The following GRXCR1 variants were observed in gnomAD, a reference collection of about 807,000 sequenced individuals.
GRXCR1 encodes glutaredoxin and cysteine rich domain containing 1.
A neutral mutation model predicts 27.3 loss-of-function variants in GRXCR1; 27 were observed. The ratio of observed to expected loss-of-function variants is 0.99; its 90% confidence interval spans 0.73 to 1.37. The LOEUF is 1.37. Among genes scored for constraint, GRXCR1 ranks in the 40% most tolerant of loss-of-function variants. GRXCR1 has a pLI of 0.00. For missense variants in GRXCR1, 379 were observed against 354.4 expected, an observed-to-expected ratio of 1.07 and a Z score of -0.56; for synonymous variants, 122 against 131.1, an observed-to-expected ratio of 0.93 and a Z score of 0.47.
At chr4:42,968,942 G>A (rs1394183182) in intron 2 of GRXCR1, among the ~76,000 whole-genome samples, 1 of 152,058 alleles carries the variant, frequency 6.6e-6, no homozygotes, top group Non-Finnish European at 1.5e-5. Flanking sequence ...TAGATATTGG[G>A]TAGGCAGTTA....
chr4:43,024,734 C>T (rs988620252), intron 3 of GRXCR1, among the ~76,000 whole-genome samples: 2 of 152,120 alleles, frequency 1.3e-5, no homozygotes, highest in Admixed American at 6.5e-5. Flanking sequence ...GCAGCTTGGT[C>T]AGGCAGAGGG....
chr4:42,932,047 C>G (rs1012843220), intron 1 of GRXCR1, among the ~76,000 whole-genome samples: 7 of 152,008 alleles, frequency 4.6e-5, no homozygotes, highest in African/African-American at 1.7e-4. Context: ...AGACCCACCC[C>G]CATGATTCAG....
chr4:42,982,045 CT>C (rs1467851496), intron 2 of GRXCR1, among the ~76,000 whole-genome samples: 1 of 132,402 alleles, frequency 7.6e-6, no homozygotes, highest in African/African-American at 3.1e-5. Context: ...CTTTGTCTTT[CT>C]TTCTCCTTCT....
chr4:42,980,870 C>A (rs1267914520), intron 2 of GRXCR1, among the ~76,000 whole-genome samples: 2 of 151,366 alleles, frequency 1.3e-5, no homozygotes, highest in East Asian at 3.9e-4. Context: ...CATCAAAAAT[C>A]TTTCAATATT....
intron 1 of GRXCR1, among the ~76,000 whole-genome samples, chr4:42,912,404 AT>A (rs1746743049): frequency 6.6e-6 from 1 of 152,210 alleles, no homozygotes; most frequent in Admixed American, 6.5e-5. Context: ...CTTTCAATAC[AT>A]TTGGAAATGT....
intron 2 of GRXCR1, among the ~76,000 whole-genome samples, chr4:43,001,959 T>A (rs1204216772): frequency 6.6e-6 from 1 of 152,238 alleles, no homozygotes; most frequent in Non-Finnish European, 1.5e-5. Context: ...GATGTGCATG[T>A]GGGCCAGATT....
At chr4:42,925,238 A>G (rs1454870946) in intron 1 of GRXCR1, among the ~76,000 whole-genome samples, 1 of 151,984 alleles carries the variant, frequency 6.6e-6, no homozygotes, top group Non-Finnish European at 1.5e-5. Flanking sequence ...GGAAGGTGGA[A>G]GGAAATTTAA....
intron 2 of GRXCR1, among the ~76,000 whole-genome samples, chr4:42,987,674 A>C (rs1312376067): frequency 6.6e-6 from 1 of 152,156 alleles, no homozygotes; most frequent in African/African-American, 2.4e-5. Flanking sequence ...AACCTTTGCT[A>C]TACCTGACAT....
At chr4:42,965,143 G>C (rs954001509) in intron 2 of GRXCR1, among the ~76,000 whole-genome samples, 1 of 151,990 alleles carries the variant, frequency 6.6e-6, no homozygotes, top group Non-Finnish European at 1.5e-5. Flanking sequence ...CCTATAGTTT[G>C]AGGAATCTCA....
intron 2 of GRXCR1, among the ~76,000 whole-genome samples, chr4:42,973,333 T>A (rs943520806): frequency 6.6e-6 from 1 of 152,168 alleles, no homozygotes; most frequent in African/African-American, 2.4e-5. Context: ...CTTGTTAGTT[T>A]TCTATTGTGA....
At chr4:42,946,340 A>C (rs111909399) in intron 1 of GRXCR1, among the ~76,000 whole-genome samples, 19 of 152,292 alleles carry the variant, frequency 1.2e-4, no homozygotes, top group African/African-American at 4.1e-4. Flanking sequence ...TTTTGAATTA[A>C]AACATTATTG....
At chr4:43,007,455 T>C (rs1712598638) in intron 2 of GRXCR1, among the ~76,000 whole-genome samples, 1 of 152,124 alleles carries the variant, frequency 6.6e-6, no homozygotes, top group Non-Finnish European at 1.5e-5. Context: ...ACCAAAGGTA[T>C]TTAATGTTTT....
At position 43,018,230 on chromosome 4, in the gene GRXCR1, G is replaced by A. The variant is rs532633714; in HGVS notation, c.628-2124G>A. On this transcript the variant is annotated intron_variant, in intron 2 of 3. Coordinates refer to ENST00000399770, the MANE Select transcript of GRXCR1 (RefSeq NM_001080476.3). ...TGGGGACCAAAGGCCTGGTTCCAAG[G>A]GAAAGACCTGAGGGCAGGGCAGGTA... Among the ~76,000 whole-genome samples, 8 of 152,254 alleles carry A rather than the reference G, an allele frequency of 5.3e-5. No homozygotes were observed. In the South Asian group the frequency reaches 1.7e-3, roughly 32 times the overall value.
chr4:43,029,416 A>C (rs1193009560), intron 3 of GRXCR1, among the ~76,000 whole-genome samples: 1 of 152,136 alleles, frequency 6.6e-6, no homozygotes, highest in African/African-American at 2.4e-5. Context: ...ACTGCTGCAA[A>C]TTCCTTTTTT....
chr4:42,927,932 C>G (rs547384588), intron 1 of GRXCR1, among the ~76,000 whole-genome samples: 1 of 151,844 alleles, frequency 6.6e-6, no homozygotes, highest in African/African-American at 2.4e-5. Context: ...GGAAGAAAAC[C>G]AATAAAAGAA....
At chr4:42,911,354 A>T (rs1746718760) in intron 1 of GRXCR1, among the ~76,000 whole-genome samples, 1 of 152,158 alleles carries the variant, frequency 6.6e-6, no homozygotes, top group South Asian at 2.1e-4. Context: ...AAAGTGTATA[A>T]AATCAAACAA....
At chr4:42,909,550 G>A (rs574105728) in intron 1 of GRXCR1, among the ~76,000 whole-genome samples, 1 of 152,254 alleles carries the variant, frequency 6.6e-6, no homozygotes, top group Non-Finnish European at 1.5e-5. Context: ...TTTCTAAAAT[G>A]CAATCAGAAA....
At chr4:43,003,284 C>A (rs1712439327) in intron 2 of GRXCR1, among the ~76,000 whole-genome samples, 1 of 151,802 alleles carries the variant, frequency 6.6e-6, no homozygotes, top group Admixed American at 6.6e-5. Flanking sequence ...GCACATGTAC[C>A]CTAAAACTTA....
intron 1 of GRXCR1, among the ~76,000 whole-genome samples, chr4:42,921,817 C>T (rs1747017960): frequency 2.0e-5 from 3 of 152,094 alleles, no homozygotes; most frequent in Admixed American, 6.6e-5. Context: ...TGACTTAGGG[C>T]TGGAAGAACT....
Sources: allele counts gnomAD v4.1 joint callset (sites outside exome capture counted in the v4.1 genomes callset), GRCh38; gene constraint gnomAD v4.1.1; transcripts MANE v1.5; gene names NCBI Gene and HGNC (gene_info 2026-07-23, HGNC 2026-07-21).